DGKI: variants seen among roughly 807,000 people sequenced by gnomAD.
DGKI encodes the protein DAG kinase iota.
A neutral mutation model predicts 147.5 loss-of-function variants in DGKI; 55 were observed. The ratio of observed to expected loss-of-function variants is 0.37; its 90% CI spans 0.30 to 0.47. The LOEUF is 0.47. Among genes scored for constraint, DGKI ranks in the 20% least tolerant of loss-of-function variants. The pLI, the probability that DGKI is intolerant of heterozygous loss-of-function variation, is 1.00. For missense variants in DGKI, 1,007 were observed against 1,323.8 expected, an observed-to-expected ratio of 0.76 and a Z score of 3.71; for synonymous variants, 469 against 477.1, an observed-to-expected ratio of 0.98 and a Z score of 0.22.
rs146391115 is a variant in DGKI, at chr7:137,825,472, C to A, written c.401+20990G>T. ...TGTGCACACATTATTCCATTCAGCACCAACAGCCATGATGGGAAATAGGTA... is the reference window on the plus strand; with the variant it reads ...TGTGCACACATTATTCCATTCAGCAACAACAGCCATGATGGGAAATAGGTA... On this transcript the variant is annotated intron_variant, in intron 1 of 32. Coordinates refer to ENST00000614521, the MANE Select transcript of DGKI (RefSeq NM_001321708.2). Among the ~76,000 whole-genome samples, 643 of 152,246 alleles carry A rather than the reference C, an allele frequency of 4.2e-3. 4 individuals carry two copies. The highest frequency in any genetic ancestry group is 0.015 in the African/African-American group (614 of 41,544).
chr7:137,616,686 G>A (rs567852653), intron 8 of DGKI, among the ~76,000 whole-genome samples: 11 of 152,164 alleles, frequency 7.2e-5, no homozygotes, highest in East Asian at 3.9e-4. Context: ...TGATGACAAC[G>A]TATTGGAAAA....
At chr7:137,472,018 CAT>C (rs1225830708) in intron 23 of DGKI, among the ~76,000 whole-genome samples, 2 of 130,736 alleles carry the variant, frequency 1.5e-5, no homozygotes, top group Admixed American at 8.5e-5. Context: ...GACATATATA[CAT>C]ATATATTATA....
intron 1 of DGKI, among the ~76,000 whole-genome samples, chr7:137,726,636 C>T (rs1269291677): frequency 2.0e-5 from 3 of 152,190 alleles, no homozygotes; most frequent in East Asian, 1.9e-4. Flanking sequence ...AGTTCTTCCA[C>T]GGAGTGATCA....
chr7:137,846,866 C>G lies in DGKI; in HGVS notation c.-4G>C, dbSNP rs1348865110. On this transcript the variant is annotated 5_prime_UTR_variant, in exon 1 of 33. Coordinates refer to ENST00000614521, the MANE Select transcript of DGKI (RefSeq NM_001321708.2). The surrounding 1 kb of genome is among the most constrained non-coding windows in gnomAD (Gnocchi z 4.0). ...AGCCCCTTCCCGCAGCATCCATCCG[C>G]GGCTGCACCGCACCGGGGCATTGTG... 4 of 1,158,804 alleles carry G rather than the reference C, an allele frequency of 3.5e-6. No individual in the cohort carries two copies. Among genetic ancestry groups the G allele is most frequent in the East Asian group, 3.8e-5 (1 of 26,032 alleles). 71.8% of individuals were successfully genotyped at this position (1,158,804 alleles called of 1,614,324 possible). A position where few individuals can be genotyped will look rare whatever the true frequency, so the allele number is the denominator to read the frequency against.
intron 1 of DGKI, among the ~76,000 whole-genome samples, chr7:137,841,198 G>A (rs547445557): frequency 7.9e-5 from 12 of 152,198 alleles, no homozygotes; most frequent in African/African-American, 2.7e-4. Context: ...CCAAGTGGAC[G>A]CTTTTGAGCT....
chr7:137,426,541 A>C (rs941655129), intron 28 of DGKI, among the ~76,000 whole-genome samples: 1 of 152,238 alleles, frequency 6.6e-6, no homozygotes, highest in African/African-American at 2.4e-5. Context: ...TCAACTTCAC[A>C]CATAACAACA....
chr7:137,557,337 G>A (rs1031017387), intron 19 of DGKI, among the ~76,000 whole-genome samples: 10 of 152,136 alleles, frequency 6.6e-5, no homozygotes, highest in African/African-American at 9.7e-5. Context: ...GTTAGAATCC[G>A]AAATATATAA....
chr7:137,711,380 C>T (rs1160893647), intron 1 of DGKI, among the ~76,000 whole-genome samples: 6 of 152,048 alleles, frequency 3.9e-5, no homozygotes, highest in Non-Finnish European at 8.8e-5. Context: ...AAATACATTG[C>T]AATATAGTCA....
At chr7:137,394,477 C>G (rs1260324058) in intron 32 of DGKI, among the ~76,000 whole-genome samples, 1 of 152,094 alleles carries the variant, frequency 6.6e-6, no homozygotes, top group Non-Finnish European at 1.5e-5. Context: ...AGGCTGAGCC[C>G]TGGTTCAACT....
chr7:137,807,425 C>T (rs113568615), intron 1 of DGKI, among the ~76,000 whole-genome samples: 126 of 152,326 alleles, frequency 8.3e-4, no homozygotes, highest in Non-Finnish European at 1.2e-3. Flanking sequence ...CGAGCTACCT[C>T]GTTTCTGCAG....
intron 1 of DGKI, among the ~76,000 whole-genome samples, chr7:137,839,887 C>A (rs1798495611): frequency 6.6e-6 from 1 of 152,124 alleles, no homozygotes; most frequent in South Asian, 2.1e-4. Context: ...ATGACAGAAG[C>A]CCCTGTTAGA....
At chr7:137,770,625 C>T (rs1278683218) in intron 1 of DGKI, among the ~76,000 whole-genome samples, 1 of 50,114 alleles carries the variant, frequency 2.0e-5, no homozygotes, top group Non-Finnish European at 3.4e-5. Context: ...GCTCCGCCTC[C>T]CGGGTTCACG....
At chr7:137,812,006 C>T (rs1359043413) in intron 1 of DGKI, among the ~76,000 whole-genome samples, 1 of 152,180 alleles carries the variant, frequency 6.6e-6, no homozygotes, top group African/African-American at 2.4e-5. Context: ...TGTGAAATAG[C>T]TGTTATCTTA....
intron 23 of DGKI, among the ~76,000 whole-genome samples, chr7:137,472,777 T>C (rs906097874): frequency 5.3e-5 from 8 of 151,930 alleles, no homozygotes; most frequent in Non-Finnish European, 1.2e-4. Context: ...CTATGAAAGC[T>C]AATAAATAAA....
intron 1 of DGKI, among the ~76,000 whole-genome samples, chr7:137,746,934 G>C (rs1795355179): frequency 6.6e-6 from 1 of 152,140 alleles, no homozygotes; most frequent in South Asian, 2.1e-4. Flanking sequence ...GGGGCAAGAT[G>C]AAGGGACTAG....
intron 21 of DGKI, among the ~76,000 whole-genome samples, chr7:137,487,950 C>T (rs73730631): frequency 0.024 from 3,585 of 152,178 alleles, 139 homozygotes; most frequent in African/African-American, 0.083. Flanking sequence ...GTTTCACTGG[C>T]CCTGAGATGA....
At chr7:137,558,169 T>C (rs927895365) in intron 19 of DGKI, among the ~76,000 whole-genome samples, 2 of 152,254 alleles carry the variant, frequency 1.3e-5, no homozygotes, top group East Asian at 1.9e-4. Flanking sequence ...TTCATAGTTT[T>C]TGACACAACA....
intron 21 of DGKI, among the ~76,000 whole-genome samples, chr7:137,517,277 GAAAAAGAAAGAA>G (rs950595924): frequency 1.2e-4 from 6 of 51,480 alleles, no homozygotes; most frequent in Non-Finnish European, 2.2e-4. Flanking sequence ...AGAAAGAAAA[GAAAAAGAAAGAA>G]AGAAAGAAAG....
intron 8 of DGKI, among the ~76,000 whole-genome samples, chr7:137,610,642 A>G (rs766569001): frequency 3.9e-5 from 6 of 152,232 alleles, no homozygotes; most frequent in South Asian, 2.1e-4. Context: ...AAAAGTTTAT[A>G]TAAGTATATA....
Sources: gnomAD v4.1 joint callset for allele counts (sites outside exome capture counted in the v4.1 genomes callset) on GRCh38, gnomAD v4.1.1 for gene constraint, Gnocchi (gnomAD v3.1) non-coding constraint, MANE v1.5 for transcripts, NCBI Gene and HGNC (gene_info 2026-07-23, HGNC 2026-07-21) for gene names.